Variants in PPP2R2B observed in about 807,000 individuals in gnomAD.
The protein encoded by PPP2R2B is serine/threonine-protein phosphatase 2A 55 kDa regulatory subunit B beta isoform.
PPP2R2B carries 5 observed loss-of-function variants against 46.0 expected under a neutral mutation model. The ratio of observed to expected loss-of-function variants is 0.11; its 90% CI spans 0.06 to 0.23. The LOEUF is 0.23. Ranked by LOEUF, PPP2R2B falls within the 10% of genes least tolerant of loss-of-function variation. The pLI is 1.00. For synonymous variants in PPP2R2B, 215 were observed against 206.7 expected (o/e 1.04, Z -0.34); for missense variants, 367 against 575.0 (o/e 0.64, Z 3.70).
At chr5:146,970,609 AAAG>A (rs529998491) in intron 1 of PPP2R2B, among the ~76,000 whole-genome samples, 40 of 152,210 alleles carry the variant, frequency 2.6e-4, no homozygotes, top group African/African-American at 7.5e-4. Flanking sequence ...AAAACAAAAA[AAAG>A]AAGAAGAAGA....
chr5:146,710,383 C>A (rs1561850043), intron 2 of PPP2R2B, among the ~76,000 whole-genome samples: 4 of 152,194 alleles, frequency 2.6e-5, no homozygotes, highest in Non-Finnish European at 5.9e-5. Context: ...ATCTCCAACA[C>A]TAAACAGGTT....
At chr5:146,919,074 A>G (rs1459586385) in intron 1 of PPP2R2B, among the ~76,000 whole-genome samples, 1 of 152,218 alleles carries the variant, frequency 6.6e-6, no homozygotes, top group Non-Finnish European at 1.5e-5. Context: ...CATTTCCTAG[A>G]TGAGGAAACA....
chr5:146,890,553 C>T (rs1762463233), intron 1 of PPP2R2B, among the ~76,000 whole-genome samples: 1 of 152,192 alleles, frequency 6.6e-6, no homozygotes, highest in African/African-American at 2.4e-5. Flanking sequence ...GTCAATCTGG[C>T]CATTACTGTA....
At chr5:146,635,158 T>C (rs1774725393) in intron 7 of PPP2R2B, among the ~76,000 whole-genome samples, 1 of 152,198 alleles carries the variant, frequency 6.6e-6, no homozygotes, top group Non-Finnish European at 1.5e-5. Flanking sequence ...ATTTCTACTT[T>C]CAAATGAGGA....
At chr5:146,859,753 A>G (rs1311745400) in intron 2 of PPP2R2B, among the ~76,000 whole-genome samples, 1 of 152,212 alleles carries the variant, frequency 6.6e-6, no homozygotes, top group African/African-American at 2.4e-5. Flanking sequence ...TGAACAGGAC[A>G]TAAATAGCAG....
intron 1 of PPP2R2B, among the ~76,000 whole-genome samples, chr5:146,908,061 G>A (rs975352623): frequency 5.3e-5 from 8 of 152,116 alleles, no homozygotes; most frequent in South Asian, 2.1e-4. Flanking sequence ...TAATTCTCAC[G>A]TTTTGTCTTC....
chr5:146,916,269 A>G (rs952244261), intron 1 of PPP2R2B, among the ~76,000 whole-genome samples: 1 of 150,204 alleles, frequency 6.7e-6, no homozygotes, highest in Non-Finnish European at 1.5e-5. Context: ...AAAAAAAAGA[A>G]AATTCTAACC....
rs116114902 is a variant in PPP2R2B, at chr5:146,708,564, C to G, written c.71-7422G>C. Reference sequence around the variant, plus strand: ...CCCCAGAAAGTTCCTTCATACTGCTCTTTTTAGTGGACAATTCTTCCAAAA... The same window carrying G: ...CCCCAGAAAGTTCCTTCATACTGCTGTTTTTAGTGGACAATTCTTCCAAAA... On this transcript the variant is annotated intron_variant, in intron 2 of 9. Coordinates refer to ENST00000394411, the MANE Select transcript of PPP2R2B (RefSeq NM_181675.4). Among the ~76,000 whole-genome samples the G allele has an allele frequency of 8.9e-3, 1,353 of 152,072 alleles. 22 individuals are homozygous for G. The highest frequency in any genetic ancestry group is 0.031 in the African/African-American group (1,294 of 41,468).
At position 146,748,175 on chromosome 5, in the gene PPP2R2B, A is replaced by G. The variant is rs190742064; in HGVS notation, c.71-47033T>C. 7.8e-4 allele frequency among the ~76,000 whole-genome samples: 119 copies of G among 152,278 alleles called. No homozygotes were observed. In the East Asian group the frequency reaches 0.013, roughly 17 times the overall value. On this transcript the variant is annotated intron_variant, in intron 2 of 9. Transcript: ENST00000394411. ...CCGATGAGTAACCTGAGGCCCCAAG[A>G]GGCTGCCCATGGTCATTTAGCTAGT...
chr5:146,681,445 C>T (rs1359227580), intron 5 of PPP2R2B, among the ~76,000 whole-genome samples: 1 of 152,144 alleles, frequency 6.6e-6, no homozygotes, highest in African/African-American at 2.4e-5. Flanking sequence ...ACACCCATTG[C>T]TCTAGCAACA....
chr5:146,757,562 G>A (rs1269737803), intron 2 of PPP2R2B, among the ~76,000 whole-genome samples: 1 of 152,124 alleles, frequency 6.6e-6, no homozygotes, highest in Non-Finnish European at 1.5e-5. Flanking sequence ...GGACATGCAG[G>A]GGTGTCTGGA....
chr5:146,647,222 A>G lies in PPP2R2B; in HGVS notation c.625+3325T>C, dbSNP rs186617771. 8.0e-4 allele frequency among the ~76,000 whole-genome samples: 122 copies of G among 152,392 alleles called. 1 individual carries two copies. Among genetic ancestry groups the G allele is most frequent in the African/African-American group, 2.9e-3 (122 of 41,592 alleles). On this transcript the variant is annotated intron_variant, in intron 6 of 9. Coordinates refer to ENST00000394411, the MANE Select transcript of PPP2R2B (RefSeq NM_181675.4). ...ATGGTTATGTTTTTTGACGTTCACT[A>G]TTGCTTAGAAGCACATTGCTTACCA... is the stretch of plus-strand genomic sequence containing the variant.
At chr5:146,984,625 T>C (rs983530174) in intron 1 of PPP2R2B, among the ~76,000 whole-genome samples, 3 of 152,202 alleles carry the variant, frequency 2.0e-5, no homozygotes, top group Non-Finnish European at 4.4e-5. Context: ...AATCATATGG[T>C]AGTTCTGTTT....
intron 2 of PPP2R2B, among the ~76,000 whole-genome samples, chr5:147,068,649 C>T (rs1757482594): frequency 6.6e-6 from 1 of 152,150 alleles, no homozygotes; most frequent in South Asian, 2.1e-4. Context: ...CTCTCAGGTA[C>T]ACCTGATGAG....
intron 5 of PPP2R2B, among the ~76,000 whole-genome samples, chr5:146,676,059 C>T (rs889185976): frequency 1.4e-4 from 21 of 152,090 alleles, no homozygotes; most frequent in African/African-American, 4.3e-4. Flanking sequence ...TGGAGAAACC[C>T]GGTGGAGGCC....
In PPP2R2B at chr5:146,678,605, C is replaced by T. The variant is rs1440353836; in HGVS notation, c.447+12523G>A. ...TTAGGAAAAGAGGAAGTCAAATTGTCCCTGTTTGCAGATGACATGATTGTA... is the reference window on the plus strand; with the variant it reads ...TTAGGAAAAGAGGAAGTCAAATTGTTCCTGTTTGCAGATGACATGATTGTA... On this transcript the variant is annotated intron_variant, in intron 5 of 9. Coordinates refer to ENST00000394411, the MANE Select transcript of PPP2R2B (RefSeq NM_181675.4). Among the ~76,000 whole-genome samples the T allele has an allele frequency of 3.2e-3, 451 of 140,172 alleles. 1 individual carries two copies. The Middle Eastern group carries it at 0.044, about 14-fold the overall frequency. The allele number at this position is 140,172 out of a possible 152,430, so 92.0% of individuals were successfully genotyped here.
rs1052840652 is a variant in PPP2R2B, at chr5:146,623,973, T to A, written c.790+14278A>T. On this transcript the variant is annotated intron_variant, in intron 7 of 9. Coordinates refer to ENST00000394411, the MANE Select transcript of PPP2R2B (RefSeq NM_181675.4). ...TTGAATTAACCGATATACTTAAACATGAGTCAATTACACACACGAGAGATC... is the reference window on the plus strand; with the variant it reads ...TTGAATTAACCGATATACTTAAACAAGAGTCAATTACACACACGAGAGATC... Among the ~76,000 whole-genome samples, 8 of 152,294 alleles carry A rather than the reference T, an allele frequency of 5.3e-5. No homozygotes were observed. In the East Asian group the frequency reaches 1.4e-3, roughly 26 times the overall value.
intron 2 of PPP2R2B, among the ~76,000 whole-genome samples, chr5:146,871,316 A>T (rs1187281285): frequency 1.3e-5 from 2 of 152,172 alleles, no homozygotes; most frequent in African/African-American, 4.8e-5. Flanking sequence ...AGGCAACTAT[A>T]TGAGTTGTCA....
chr5:146,865,348 T>A (rs1307437236), intron 2 of PPP2R2B, among the ~76,000 whole-genome samples: 2 of 151,766 alleles, frequency 1.3e-5, no homozygotes, highest in East Asian at 1.9e-4. Context: ...GAAGGAAATA[T>A]AGCACATCAA....
Sources: gnomAD v4.1 joint callset for allele counts (sites outside exome capture counted in the v4.1 genomes callset) on GRCh38, gnomAD v4.1.1 for gene constraint, MANE v1.5 for transcripts, NCBI Gene and HGNC (gene_info 2026-07-23, HGNC 2026-07-21) for gene names.